RGS6: variants seen among roughly 807,000 people sequenced by gnomAD.
RGS6 encodes regulator of G protein signaling 6, also known as regulator of G-protein signaling 6.
A neutral mutation model predicts 78.5 loss-of-function variants in RGS6; 30 were observed. The observed-to-expected ratio is 0.38, with a 90% CI of 0.29 to 0.52. The LOEUF (loss-of-function observed/expected upper bound fraction) is 0.52, where lower values mean the gene tolerates loss of function less well. RGS6 is among the 20% of genes least tolerant of loss of function. The probability of loss-of-function intolerance (pLI) is 0.85; values close to 1 mark genes in which losing one functional copy is unlikely to be tolerated. For synonymous variants in RGS6, 206 were observed against 206.0 expected, an observed-to-expected ratio of 1.00 and a Z score of 0.00; for missense variants, 495 against 609.7, an observed-to-expected ratio of 0.81 and a Z score of 1.98.
intron 2 of RGS6, among the ~76,000 whole-genome samples, chr14:72,325,295 C>A (rs530035218): frequency 6.6e-6 from 1 of 152,284 alleles, no homozygotes; most frequent in African/African-American, 2.4e-5. Flanking sequence ...TTCTCCCATT[C>A]TGTATGTTGC....
At chr14:72,474,299 A>G (rs932025437) in intron 9 of RGS6, among the ~76,000 whole-genome samples, 1 of 152,244 alleles carries the variant, frequency 6.6e-6, no homozygotes, top group Non-Finnish European at 1.5e-5. Flanking sequence ...TCATCCTGAT[A>G]TCGTGGAGTC....
At chr14:72,084,102 C>T (rs1175468111) in intron 2 of RGS6, among the ~76,000 whole-genome samples, 1 of 152,136 alleles carries the variant, frequency 6.6e-6, no homozygotes, top group Non-Finnish European at 1.5e-5. Flanking sequence ...GCACTAAGGA[C>T]AAGTTTTGTG....
chr14:72,607,811 C>A, the RGS6 span, among the ~76,000 whole-genome samples: 1 of 152,228 alleles, frequency 6.6e-6, no homozygotes, highest in Admixed American at 6.5e-5. Flanking sequence ...GCGAACATCT[C>A]TCCCACTGCA....
At chr14:72,300,906 G>A (rs533531353) in intron 2 of RGS6, among the ~76,000 whole-genome samples, 8 of 152,316 alleles carry the variant, frequency 5.3e-5, no homozygotes, top group Admixed American at 2.0e-4. Flanking sequence ...GATCTTGATC[G>A]TTACTAAATG....
chr14:71,938,150 T>A (rs576002370), intron 1 of RGS6, among the ~76,000 whole-genome samples: 23 of 152,316 alleles, frequency 1.5e-4, no homozygotes, highest in African/African-American at 5.3e-4. Flanking sequence ...AGGTCACCCG[T>A]TGGTGAGCAC....
intron 2 of RGS6, among the ~76,000 whole-genome samples, chr14:72,190,885 G>T (rs1045982142): frequency 6.6e-6 from 1 of 152,106 alleles, no homozygotes; most frequent in Non-Finnish European, 1.5e-5. Flanking sequence ...GATTTCTTAC[G>T]ATTAGAGATG....
intron 2 of RGS6, among the ~76,000 whole-genome samples, chr14:72,023,751 CT>C (rs1196978577): frequency 6.6e-6 from 1 of 152,154 alleles, no homozygotes; most frequent in African/African-American, 2.4e-5. Context: ...GAACATTTCA[CT>C]TGATAAATGG....
At chr14:72,137,214 A>T (rs1245327528) in intron 2 of RGS6, among the ~76,000 whole-genome samples, 1 of 152,198 alleles carries the variant, frequency 6.6e-6, no homozygotes, top group Non-Finnish European at 1.5e-5. Flanking sequence ...CCACATTGAC[A>T]TTTGTGCTGG....
intron 3 of RGS6, among the ~76,000 whole-genome samples, chr14:72,434,771 A>G (rs192218745): frequency 9.1e-4 from 138 of 152,244 alleles, no homozygotes; most frequent in African/African-American, 3.0e-3. Flanking sequence ...TCATATGTTT[A>G]TTTACTCACT....
chr14:72,503,329 A>C (rs7160019), intron 13 of RGS6, among the ~76,000 whole-genome samples: 98,002 of 152,054 alleles, frequency 0.64, 32,271 homozygotes, highest in East Asian at 0.96. Context: ...AATTTATGTC[A>C]TCTTGCATGC....
At chr14:72,247,886 A>C (rs1164579706) in intron 2 of RGS6, among the ~76,000 whole-genome samples, 1 of 152,132 alleles carries the variant, frequency 6.6e-6, no homozygotes, top group African/African-American at 2.4e-5. Context: ...TCAACCTTGG[A>C]CTTCCCAGCC....
At position 72,133,903 on chromosome 14, in the gene RGS6, CA is replaced by C. The variant is rs2096382390; in HGVS notation, c.84+169029del. 2.6e-5 allele frequency among the ~76,000 whole-genome samples: 4 copies of C among 152,224 alleles called. No individual in the cohort carries two copies. In the South Asian group the frequency reaches 8.3e-4, roughly 32 times the overall value. On this transcript the variant is annotated intron_variant, in intron 2 of 17. Transcript: ENST00000553525. The stretch of plus-strand genomic sequence containing the variant: ...TTCATATCCAGTCTTTCACCCTTAC[CA>C]GTAATGTTATGGTCTAGACTTCATT...
At chr14:72,346,460 A>T (rs1211159686) in intron 2 of RGS6, among the ~76,000 whole-genome samples, 1 of 152,126 alleles carries the variant, frequency 6.6e-6, no homozygotes, top group Non-Finnish European at 1.5e-5. Context: ...AACATCAGAA[A>T]CTCCCCAGTT....
intron 2 of RGS6, among the ~76,000 whole-genome samples, chr14:72,008,204 T>A (rs575443933): frequency 2.0e-5 from 3 of 152,338 alleles, no homozygotes; most frequent in Admixed American, 1.3e-4. Context: ...AGTTATCCTC[T>A]CCTTATCCTG....
intron 3 of RGS6, among the ~76,000 whole-genome samples, chr14:72,401,542 G>A (rs1308921683): frequency 6.6e-6 from 1 of 151,758 alleles, no homozygotes; most frequent in African/African-American, 2.4e-5. Context: ...AGAAGAGCTG[G>A]ACTGGGCAAC....
intron 17 of RGS6, among the ~76,000 whole-genome samples, chr14:72,544,303 C>T (rs1454461238): frequency 3.3e-5 from 5 of 152,184 alleles, no homozygotes; most frequent in Non-Finnish European, 5.9e-5. Context: ...CAGAAAAAGC[C>T]GCAGAGGGTG....
chr14:72,159,923 C>A (rs1410216562), intron 2 of RGS6, among the ~76,000 whole-genome samples: 1 of 152,128 alleles, frequency 6.6e-6, no homozygotes, highest in South Asian at 2.1e-4. Context: ...TAAGGTTGAC[C>A]AGTTTTTATA....
intron 2 of RGS6, among the ~76,000 whole-genome samples, chr14:72,330,381 C>T (rs1243612679): frequency 6.6e-6 from 1 of 152,216 alleles, no homozygotes; most frequent in East Asian, 1.9e-4. Flanking sequence ...GTGGACCTCA[C>T]TGCACCCTTC....
chr14:72,151,634 C>G (rs2096689036), intron 2 of RGS6, among the ~76,000 whole-genome samples: 1 of 152,162 alleles, frequency 6.6e-6, no homozygotes, highest in South Asian at 2.1e-4. Context: ...GGGATGGCAT[C>G]TCAGGTTTCA....
Sources: allele counts gnomAD v4.1 joint callset (sites outside exome capture counted in the v4.1 genomes callset), GRCh38; gene constraint gnomAD v4.1.1; transcripts MANE v1.5; gene names NCBI Gene and HGNC (gene_info 2026-07-23, HGNC 2026-07-21).